MBNL2: variants seen among roughly 807,000 people sequenced by gnomAD.
The protein encoded by MBNL2 is muscleblind like splicing regulator 2.
MBNL2 carries 17 observed loss-of-function variants against 41.9 expected under a neutral mutation model. That is an observed-to-expected ratio of 0.41 (90% CI 0.28 to 0.61). The LOEUF (loss-of-function observed/expected upper bound fraction) is 0.61. Ranked by LOEUF, MBNL2 falls within the 20% of genes least tolerant of loss-of-function variation. The probability of loss-of-function intolerance (pLI) is 0.35; values close to 1 mark genes in which losing one functional copy is unlikely to be tolerated. For missense variants in MBNL2, 336 were observed against 505.6 expected, an observed-to-expected ratio of 0.66 and a Z score of 3.22; for synonymous variants, 195 against 182.9, an observed-to-expected ratio of 1.07 and a Z score of -0.53.
intron 1 of MBNL2, among the ~76,000 whole-genome samples, chr13:97,252,564 T>C (rs533424147): frequency 6.6e-6 from 1 of 152,166 alleles, no homozygotes; most frequent in African/African-American, 2.4e-5. Flanking sequence ...ATTTTGTTAA[T>C]TTTTTTGCTT....
chr13:97,380,377 C>A (rs906525940), intron 8 of MBNL2, among the ~76,000 whole-genome samples: 3 of 152,056 alleles, frequency 2.0e-5, no homozygotes, highest in Non-Finnish European at 4.4e-5. Context: ...ATCTGTAATC[C>A]CAGCTACTCG....
chr13:97,191,937 G>A, the MBNL2 span, among the ~76,000 whole-genome samples: 1 of 152,162 alleles, frequency 6.6e-6, no homozygotes, highest in African/African-American at 2.4e-5. Context: ...CTCTATACAG[G>A]ACAGTCATAA....
chr13:97,199,228 T>G, the MBNL2 span, among the ~76,000 whole-genome samples: 1 of 152,198 alleles, frequency 6.6e-6, no homozygotes, highest in African/African-American at 2.4e-5. Flanking sequence ...ATCGTTCATG[T>G]CTCTACTCTG....
the MBNL2 span, among the ~76,000 whole-genome samples, chr13:97,170,825 C>T: frequency 1.1e-4 from 16 of 152,214 alleles, no homozygotes; most frequent in Admixed American, 8.5e-4. Context: ...GGCTCCTCTC[C>T]TCTCCCTAGC....
intron 3 of MBNL2, among the ~76,000 whole-genome samples, chr13:97,336,248 C>T (rs1417906518): frequency 6.6e-6 from 1 of 152,036 alleles, no homozygotes; most frequent in Admixed American, 6.5e-5. Flanking sequence ...TTTTAAATCA[C>T]TGGAAGTATT....
intron 2 of MBNL2, among the ~76,000 whole-genome samples, chr13:97,291,564 C>G (rs2152975992): frequency 6.6e-6 from 1 of 152,200 alleles, no homozygotes; most frequent in South Asian, 2.1e-4. Flanking sequence ...TAATACACAT[C>G]CCATCTCCAT....
At position 97,268,563 on chromosome 13, in the gene MBNL2, C is replaced by T. The variant is rs1364193087; in HGVS notation, c.-604-7069C>T. Among the ~76,000 whole-genome samples, 1 of 152,192 alleles carries T rather than the reference C, an allele frequency of 6.6e-6. No individual in the cohort carries two copies. The highest frequency in any genetic ancestry group is 2.4e-5 in the African/African-American group (1 of 41,452). ...CCTACCTGGCAGCCGCAGGGTAAGC[C>T]AGTGGCATCTGCTGGAATTTTCCTA... On this transcript the variant is annotated intron_variant, in intron 1 of 8. Transcript: ENST00000679496. This position sits in a 1 kb window ranked among gnomAD's most constrained non-coding sequence, Gnocchi z 4.6.
At chr13:97,187,906 C>CAAA in the MBNL2 span, among the ~76,000 whole-genome samples, 24 of 121,820 alleles carry the variant, frequency 2.0e-4, no homozygotes, top group East Asian at 3.6e-3. Flanking sequence ...GACTTCGTCT[C>CAAA]AAAAAAAAAA....
chr13:97,338,247 C>T (rs547828125), intron 3 of MBNL2, among the ~76,000 whole-genome samples: 2 of 152,288 alleles, frequency 1.3e-5, no homozygotes, highest in South Asian at 4.1e-4. Flanking sequence ...TCTGCCTCTG[C>T]TGGCCTGTCC....
chr13:97,174,742 T>C, the MBNL2 span, among the ~76,000 whole-genome samples: 1 of 152,150 alleles, frequency 6.6e-6, no homozygotes, highest in African/African-American at 2.4e-5. Flanking sequence ...ATCTCCCTTA[T>C]CTCAGCATCA....
At chr13:97,219,727 A>T (rs771148406), upstream of MBNL2, among the ~76,000 whole-genome samples, 162 of 152,174 alleles carry the variant, frequency 1.1e-3, 5 homozygotes, top group Non-Finnish European at 2.6e-4. Context: ...TTCCACATAT[A>T]AATGTTAGGG....
chr13:97,341,634 C>T (rs898033977), intron 3 of MBNL2, among the ~76,000 whole-genome samples: 2 of 152,104 alleles, frequency 1.3e-5, no homozygotes, highest in African/African-American at 2.4e-5. Flanking sequence ...TGTGGGAGTA[C>T]TGAGCCAGGA....
intron 8 of MBNL2, among the ~76,000 whole-genome samples, chr13:97,388,784 A>C (rs181227296): frequency 1.3e-4 from 20 of 152,332 alleles, no homozygotes; most frequent in African/African-American, 4.6e-4. Context: ...AGACTGTATC[A>C]GCAAGCTGTA....
chr13:97,337,337 T>G (rs1011442782), intron 3 of MBNL2, among the ~76,000 whole-genome samples: 1 of 152,212 alleles, frequency 6.6e-6, no homozygotes. Context: ...TTATGATATT[T>G]TATTATAAGC....
intron 2 of MBNL2, among the ~76,000 whole-genome samples, chr13:97,293,195 T>A (rs920367024): frequency 1.3e-5 from 2 of 152,202 alleles, no homozygotes; most frequent in African/African-American, 4.8e-5. Context: ...GGACTGTAAA[T>A]CTGCTACAAA....
At chr13:97,148,539 G>C in the MBNL2 span, among the ~76,000 whole-genome samples, 2 of 152,118 alleles carry the variant, frequency 1.3e-5, no homozygotes, top group East Asian at 3.9e-4. Flanking sequence ...AATAATCAGG[G>C]GAGGCTATTC....
At chr13:97,228,058 CTG>C (rs910308473) in intron 1 of MBNL2, among the ~76,000 whole-genome samples, 2 of 152,118 alleles carry the variant, frequency 1.3e-5, no homozygotes, top group Non-Finnish European at 2.9e-5. Flanking sequence ...TCTCCTAAGC[CTG>C]TTACAGGGAG....
At chr13:97,152,665 T>G in the MBNL2 span, among the ~76,000 whole-genome samples, 1 of 152,200 alleles carries the variant, frequency 6.6e-6, no homozygotes, top group African/African-American at 2.4e-5. Context: ...TCGAATACAC[T>G]ATTCTATACC....
intron 8 of MBNL2, among the ~76,000 whole-genome samples, chr13:97,379,034 G>T (rs1178796242): frequency 1.3e-5 from 2 of 152,178 alleles, no homozygotes; most frequent in Admixed American, 1.3e-4. Context: ...AACCCACCTT[G>T]TTTGAATTAG....
Sources: gnomAD v4.1 joint callset for allele counts (sites outside exome capture counted in the v4.1 genomes callset) on GRCh38, gnomAD v4.1.1 for gene constraint, Gnocchi (gnomAD v3.1) non-coding constraint, MANE v1.5 for transcripts, NCBI Gene and HGNC (gene_info 2026-07-23, HGNC 2026-07-21) for gene names.